Variants in ERCC5 observed in about 807,000 individuals in gnomAD.
ERCC5 encodes DNA excision repair protein ERCC-5.
In ERCC5, 68 loss-of-function variants were observed where a neutral mutation model predicts 105.6. That is an observed-to-expected ratio of 0.64 (90% CI 0.53 to 0.79). The LOEUF (loss-of-function observed/expected upper bound fraction) is 0.79, where lower values mean the gene tolerates loss of function less well. Among genes scored for constraint, ERCC5 ranks in the 30% least tolerant of loss-of-function variants. The probability of loss-of-function intolerance (pLI) is 0.00; values close to 1 mark genes in which losing one functional copy is unlikely to be tolerated. For synonymous variants in ERCC5, 546 were observed against 526.2 expected (o/e 1.04, Z -0.51); for missense variants, 1,373 against 1,426.7 (o/e 0.96, Z 0.61).
In ERCC5 at chr13:102,858,411, T is replaced by C; in HGVS notation, c.665T>C (p.Met222Thr). 6.2e-7 allele frequency: 1 copy of C among 1,614,102 alleles called. No individual in the cohort carries two copies. Among genetic ancestry groups the C allele is most frequent in the Non-Finnish European group, 8.5e-7 (1 of 1,179,986 alleles). Residue 222 changes from methionine to threonine, a missense_variant, in exon 6 of 15, where the codon ATG (methionine) becomes ACG (threonine). Coordinates refer to ENST00000652225, the MANE Select transcript of ERCC5 (RefSeq NM_000123.4). ...TKRRRTLFEA[M>T]PEESDDFSQY... is the part of the protein sequence containing the mutation. ...CGCAGAAGAACATTATTTGAAGCAATGCCAGAGGTGAAATATGCAACAGTA... is the reference window on the plus strand; with the variant it reads ...CGCAGAAGAACATTATTTGAAGCAACGCCAGAGGTGAAATATGCAACAGTA...
chr13:102,851,389 G>A (rs1882195433), intron 1 of ERCC5, among the ~76,000 whole-genome samples: 1 of 152,110 alleles, frequency 6.6e-6, no homozygotes, highest in African/African-American at 2.4e-5. Context: ...CTGCCTCCTG[G>A]GTTCAAGCGA....
rs1883086975 is a variant in ERCC5 at position 102,873,108 on chromosome 13, G to GTTAGTACTTTCTT, written c.2880-146_2880-134dup. 3.8e-6 allele frequency: 3 copies of GTTAGTACTTTCTT among 788,392 alleles called. No homozygotes were observed. The East Asian group carries it at 8.2e-5, about 21-fold the overall frequency. The allele number at this position is 788,392 out of a possible 1,614,324, so 48.8% of individuals were successfully genotyped here. A position where few individuals can be genotyped will look rare whatever the true frequency, so the allele number is the denominator to read the frequency against. On this transcript the variant is annotated intron_variant, in intron 13 of 14. Coordinates refer to ENST00000652225, the MANE Select transcript of ERCC5 (RefSeq NM_000123.4). ...TGATTATGCTGGAGTCATTTATTTT[G>GTTAGTACTTTCTT]TTAGTACTTTCTTTTAGCACTCTAA...
chr13:102,873,156 A>C, intron 13 of ERCC5, 103 bp from the exon 14 acceptor site: 2 of 1,371,126 alleles, frequency 1.5e-6, no homozygotes, highest in South Asian at 1.2e-5. Flanking sequence ...GGAAAATCTT[A>C]GGAGATACAG....
chr13:102,852,452 A>G (rs1216011485), intron 2 of ERCC5, among the ~76,000 whole-genome samples, 159 bp downstream of exon 2: 2 of 151,776 alleles, frequency 1.3e-5, no homozygotes, highest in Non-Finnish European at 2.9e-5. Context: ...TTGAACAATT[A>G]ATTTTTCTTT....
intron 1 of ERCC5, 36 bp from the exon 2 acceptor site, chr13:102,852,082 A>G: frequency 6.2e-7 from 1 of 1,612,900 alleles, no homozygotes; most frequent in Non-Finnish European, 8.5e-7. Context: ...ATGAAGAGAA[A>G]AATCCCGGAG....
At position 102,858,382 on chromosome 13, in the gene ERCC5, C is replaced by T. The variant is rs1409079141; in HGVS notation, c.636C>T (p.Thr212=). ...HEILTDMKEF[T]KRRRTLFEAM... ...TCTTGACTGATATGAAAGAGTTCACCAAGCGCAGAAGAACATTATTTGAAG... is the reference window on the plus strand; with the variant it reads ...TCTTGACTGATATGAAAGAGTTCACTAAGCGCAGAAGAACATTATTTGAAG... The change falls in exon 6 of 15, where the codon ACC becomes ACT. Residue 212 remains threonine (T), a synonymous_variant. Transcript: ENST00000652225. 1.6e-5 allele frequency: 26 copies of T among 1,614,050 alleles called. No homozygotes were observed. Among genetic ancestry groups the T allele is most frequent in the Non-Finnish European group, 2.0e-5 (24 of 1,179,990 alleles).
In ERCC5 at chr13:102,866,271, GA is replaced by G; in HGVS notation, c.2212del (p.Thr738LeufsTer7). On this transcript the variant is annotated frameshift_variant, in exon 10 of 15. Transcript: ENST00000652225. LOFTEE classifies it high-confidence loss of function. ...EWQDINLEELETLESNLLAQQ... is the reference protein window; with the variant it reads ...EWQDINLEELXTLESNLLAQQ... ...AAAAAACATTTTATAGGAGGAGTTG[GA>G]AACTCTGGAGAGCAACCTCTTAGCA... The G allele has an allele frequency of 6.2e-7, 1 of 1,614,228 alleles. No individual in the cohort carries two copies. The highest frequency in any genetic ancestry group is 8.5e-7 in the Non-Finnish European group (1 of 1,180,040).
At chr13:102,855,698 T>C (rs1201312431) in intron 4 of ERCC5, among the ~76,000 whole-genome samples, 1 of 152,226 alleles carries the variant, frequency 6.6e-6, no homozygotes, top group African/African-American at 2.4e-5. Flanking sequence ...CCTGGAACAC[T>C]CTTCTCCATG....
intron 6 of ERCC5, among the ~76,000 whole-genome samples, chr13:102,861,134 G>A (rs939222562): frequency 1.1e-4 from 17 of 151,904 alleles, no homozygotes; most frequent in Non-Finnish European, 8.8e-5. Context: ...GATTACAGGT[G>A]CCTGCCATCA....
At chr13:102,853,104 C>T (rs1045394004) in intron 2 of ERCC5, among the ~76,000 whole-genome samples, 15 of 152,152 alleles carry the variant, frequency 9.9e-5, no homozygotes, top group African/African-American at 3.4e-4. Flanking sequence ...TTTATAAATG[C>T]TGGGGGACCT....
chr13:102,861,641 AG>A lies in ERCC5; in HGVS notation c.812del (p.Gly271AlafsTer3), dbSNP rs1306240789. 1.2e-6 allele frequency: 2 copies of A among 1,614,052 alleles called. No individual in the cohort carries two copies. Among genetic ancestry groups the A allele is most frequent in the African/African-American group, 2.7e-5 (2 of 74,932 alleles). On this transcript the variant is annotated frameshift_variant, in exon 7 of 15. Coordinates refer to ENST00000652225, the MANE Select transcript of ERCC5 (RefSeq NM_000123.4). LOFTEE classifies it high-confidence loss of function. ...GHIRRQYEDE[G>X]GFLKEVESRR... is the part of the protein sequence containing the mutation. ...ACATCCGAAGGCAGTATGAAGATGA[AG>A]GGGGCTTTCTGAAGGAGGTAGAGTC... is the stretch of plus-strand genomic sequence containing the variant.
chr13:102,852,172 A>C lies in ERCC5; in HGVS notation c.143A>C (p.Asn48Thr). The change falls in exon 2 of 15, where the codon AAC becomes ACC. Residue 48 changes from asparagine to threonine, a missense_variant. Around this residue, in one of 3 missense-constraint regions of ERCC5, gnomAD observed 1,004 missense variants for 1,059.7 expected, o/e 0.95. Coordinates refer to ENST00000652225, the MANE Select transcript of ERCC5 (RefSeq NM_000123.4). ...AAAGGAGTCCGGGATCGCCATGGGA[A>C]CTCAATAGAAAATCCTCATCTTCTC... Reference protein sequence around the residue: ...ALKGVRDRHGNSIENPHLLTL... With the variant: ...ALKGVRDRHGTSIENPHLLTL... 1 of 1,614,060 alleles carries C rather than the reference A, an allele frequency of 6.2e-7. No homozygotes were observed. Among genetic ancestry groups the C allele is most frequent in the African/African-American group, 1.3e-5 (1 of 75,022 alleles).
chr13:102,854,499 G>A, intron 4 of ERCC5, 125 bp downstream of exon 4: 1 of 891,116 alleles, frequency 1.1e-6, no homozygotes, highest in East Asian at 2.6e-5. Flanking sequence ...AAATAGGCAT[G>A]CTCTATACCT....
In ERCC5 at chr13:102,846,160, T is replaced by C. The variant is rs933366542; in HGVS notation, c.-107T>C. ...TGTATTATTTGCCATCTTTGTTGTG[T>C]AGGAGCAGGGAGGGCTTCCTCCCGG... On this transcript the variant is annotated 5_prime_UTR_variant, in exon 1 of 15. Transcript: ENST00000652225. 3.5e-6 allele frequency: 3 copies of C among 855,590 alleles called. No individual in the cohort carries two copies. Among genetic ancestry groups the C allele is most frequent in the Non-Finnish European group, 5.7e-6 (3 of 524,238 alleles). 53.0% of individuals were successfully genotyped at this position (855,590 alleles called of 1,614,324 possible). A position where few individuals can be genotyped will look rare whatever the true frequency, so the allele number is the denominator to read the frequency against.
At chr13:102,871,043 C>T (rs547230828) in intron 12 of ERCC5, among the ~76,000 whole-genome samples, 4 of 152,104 alleles carry the variant, frequency 2.6e-5, no homozygotes, top group East Asian at 1.9e-4. Context: ...CTCTGAAGCT[C>T]GCTCAGGCCT....
At chr13:102,866,013 C>T (rs1882821060) in intron 9 of ERCC5, 102 bp downstream of exon 9, 1 of 1,601,398 alleles carries the variant, frequency 6.2e-7, no homozygotes, top group Non-Finnish European at 8.5e-7. Context: ...TAGCTATTTG[C>T]AGTACATCTT....
rs56237407 is a variant in ERCC5, at chr13:102,866,158, A to G, written c.2200-104A>G. 1,885 of 1,555,908 alleles carry G rather than the reference A, an allele frequency of 1.2e-3. 84 individuals are homozygous for G. In the East Asian group the frequency reaches 0.042, roughly 35 times the overall value. ...ATCCAGTGGAGTACTTCCTAAGGAG[A>G]AAGAGCTTATTGGTAATTTCAGTCA... On this transcript the variant is annotated intron_variant, in intron 9 of 14. Transcript: ENST00000652225.
At chr13:102,854,158 A>T (rs1882311983) in intron 3 of ERCC5, 130 bp from the exon 4 acceptor site, 1 of 1,003,346 alleles carries the variant, frequency 1.0e-6, no homozygotes, top group Admixed American at 2.0e-5. Flanking sequence ...CAGCCCCGCC[A>T]AGGTTCCTTC....
chr13:102,874,555 T>C (rs190210193), intron 14 of ERCC5, among the ~76,000 whole-genome samples: 1 of 152,334 alleles, frequency 6.6e-6, no homozygotes, highest in East Asian at 1.9e-4. Flanking sequence ...GGAGTCTCAC[T>C]CTGTCTCCCA....
Sources: allele counts gnomAD v4.1 joint callset (sites outside exome capture counted in the v4.1 genomes callset), GRCh38; gene constraint gnomAD v4.1.1; regional missense constraint gnomAD v4.1.1; transcripts MANE v1.5; gene names NCBI Gene and HGNC (gene_info 2026-07-23, HGNC 2026-07-21).